ERO1A: variants seen among roughly 807,000 people sequenced by gnomAD.
The protein encoded by ERO1A is endoplasmic reticulum oxidoreductase 1 alpha.
In ERO1A, 49 loss-of-function variants were observed where a neutral mutation model predicts 76.9. That is an observed-to-expected ratio of 0.64 (90% CI 0.51 to 0.81). The LOEUF is 0.81. ERO1A is among the 30% of genes least tolerant of loss of function. The probability of loss-of-function intolerance (pLI) is 0.00; values close to 1 mark genes in which losing one functional copy is unlikely to be tolerated. For missense variants in ERO1A, 448 were observed against 542.1 expected, an observed-to-expected ratio of 0.83 and a Z score of 1.72; for synonymous variants, 174 against 181.2, an observed-to-expected ratio of 0.96 and a Z score of 0.32.
At chr14:52,694,492 TA>T (rs2041476515) in intron 1 of ERO1A, among the ~76,000 whole-genome samples, 1 of 152,180 alleles carries the variant, frequency 6.6e-6, no homozygotes, top group Non-Finnish European at 1.5e-5. Flanking sequence ...GATAATAAAT[TA>T]ATAGCAAAAT....
At chr14:52,682,549 A>G in intron 2 of ERO1A, 141 bp from the exon 3 acceptor site, 2 of 616,944 alleles carry the variant, frequency 3.2e-6, no homozygotes, top group Non-Finnish European at 5.7e-6. Flanking sequence ...TTGCCAGTTT[A>G]TAACAACTGC....
rs749508867 is a variant in ERO1A at position 52,646,436 on chromosome 14, T to C, written c.1151A>G (p.Asn384Ser). ...LKEDFRLHFR[N>S]ISRIMDCVGC... ...AACACAATCCATAATTCTTGAAATA[T>C]TTCTAAAATGCAGTCGAAAGTCCTC... The change falls in exon 14 of 16, where the codon AAT becomes AGT. Residue 384 changes from asparagine (N) to serine (S), a missense_variant. Asn to Ser is a conservative substitution (Grantham distance 46). Coordinates refer to ENST00000395686, the MANE Select transcript of ERO1A (RefSeq NM_014584.3). 1.2e-5 allele frequency: 19 copies of C among 1,612,472 alleles called. No homozygotes were observed. In the East Asian group the frequency reaches 4.0e-4, roughly 34 times the overall value.
At chr14:52,658,211 A>G (rs1484543907) in intron 9 of ERO1A, 61 bp from the exon 10 acceptor site, 9 of 1,203,210 alleles carry the variant, frequency 7.5e-6, no homozygotes, top group Admixed American at 2.3e-5. Context: ...AAGTTTTTCA[A>G]AAGTTTTAAA....
chr14:52,694,403 G>A (rs947385355), intron 1 of ERO1A, among the ~76,000 whole-genome samples: 1 of 152,114 alleles, frequency 6.6e-6, no homozygotes, highest in Admixed American at 6.6e-5. Flanking sequence ...AGTAGTGAAA[G>A]AGAAACCTTT....
In ERO1A at chr14:52,661,324, G is replaced by A. The variant is rs938625020; in HGVS notation, c.677-20C>T. On this transcript the variant is annotated intron_variant, in intron 8 of 15. Coordinates refer to ENST00000395686, the MANE Select transcript of ERO1A (RefSeq NM_014584.3). ...TTGTCCCTGAAAAGCAAAACAAAAT[G>A]TTTATTAAAATAAATTCCTTCCAGT... 3 of 1,400,050 alleles carry A rather than the reference G, an allele frequency of 2.1e-6. No individual in the cohort carries two copies. Among genetic ancestry groups the A allele is most frequent in the Non-Finnish European group, 2.9e-6 (3 of 1,051,992 alleles). 86.7% of individuals were successfully genotyped at this position (1,400,050 alleles called of 1,614,324 possible).
chr14:52,651,207 G>A (rs2039854754), intron 13 of ERO1A, among the ~76,000 whole-genome samples: 1 of 151,830 alleles, frequency 6.6e-6, no homozygotes, highest in Non-Finnish European at 1.5e-5. Flanking sequence ...AGGATCGCTT[G>A]AGCACAGAAT....
At chr14:52,675,084 T>C (rs1394017126) in intron 4 of ERO1A, among the ~76,000 whole-genome samples, 2 of 152,132 alleles carry the variant, frequency 1.3e-5, no homozygotes, top group Non-Finnish European at 2.9e-5. Context: ...AGTGAGTTTA[T>C]TAAAATGGTG....
intron 4 of ERO1A, among the ~76,000 whole-genome samples, chr14:52,676,438 G>A (rs2040786850): frequency 6.6e-6 from 1 of 152,176 alleles, no homozygotes; most frequent in Admixed American, 6.5e-5. Flanking sequence ...TTGTGGGTAT[G>A]ATACAGGCCA....
Position 52,682,314 on chromosome 14 carries a change from A to T in ERO1A, c.318+11T>A, listed in dbSNP as rs753242445. The T allele has an allele frequency of 1.4e-5, 22 of 1,574,944 alleles. No homozygotes were observed. The highest frequency in any genetic ancestry group is 1.8e-5 in the Admixed American group (1 of 56,926). ...CATGTAACAGTTTTTAAATGTATAC[A>T]TGGTTCTTACAGATTGACATGGTTT... On this transcript the variant is annotated intron_variant, in intron 3 of 15. Coordinates refer to ENST00000395686, the MANE Select transcript of ERO1A (RefSeq NM_014584.3).
chr14:52,675,542 AATG>A (rs1396177555), intron 4 of ERO1A, among the ~76,000 whole-genome samples: 1 of 152,180 alleles, frequency 6.6e-6, no homozygotes, highest in Non-Finnish European at 1.5e-5. Context: ...CATATCACAG[AATG>A]ATATGTAAAT....
intron 11 of ERO1A, among the ~76,000 whole-genome samples, chr14:52,655,015 G>A (rs1005712765): frequency 3.9e-5 from 6 of 152,210 alleles, no homozygotes; most frequent in Admixed American, 3.9e-4. Flanking sequence ...GTCCACAGGT[G>A]AGAGGATTAA....
At chr14:52,695,239 C>T (rs2041511720) in intron 1 of ERO1A, 129 bp downstream of exon 1, 2 of 598,096 alleles carry the variant, frequency 3.3e-6, no homozygotes, top group Non-Finnish European at 2.5e-6. Flanking sequence ...GGCAGCAGCA[C>T]CGGAGTCTCA....
intron 1 of ERO1A, among the ~76,000 whole-genome samples, chr14:52,685,257 T>C (rs1433656291): frequency 1.3e-5 from 2 of 152,288 alleles, no homozygotes; most frequent in East Asian, 3.9e-4. Flanking sequence ...AGAAGAACTT[T>C]TTACTGCTTT....
At chr14:52,643,796 A>C (rs1043128293) in intron 15 of ERO1A, among the ~76,000 whole-genome samples, 166 bp from the exon 16 acceptor site, 2 of 152,228 alleles carry the variant, frequency 1.3e-5, no homozygotes, top group Non-Finnish European at 2.9e-5. Context: ...TAATTCGACA[A>C]GGTAAAACTA....
intron 1 of ERO1A, among the ~76,000 whole-genome samples, chr14:52,692,852 G>A (rs952322871): frequency 9.3e-5 from 14 of 151,128 alleles, no homozygotes; most frequent in African/African-American, 3.2e-4. Flanking sequence ...GTGTATGTCT[G>A]TCTATATGCT....
chr14:52,653,558 A>G (rs2039947429), intron 11 of ERO1A, among the ~76,000 whole-genome samples: 1 of 151,934 alleles, frequency 6.6e-6, no homozygotes, highest in Admixed American at 6.5e-5. Context: ...TATTAATAAT[A>G]AAAATCATTC....
intron 4 of ERO1A, among the ~76,000 whole-genome samples, chr14:52,673,704 CTT>C (rs773944528): frequency 9.9e-5 from 15 of 151,942 alleles, no homozygotes; most frequent in Non-Finnish European, 1.9e-4. Flanking sequence ...ACAATCATAA[CTT>C]AGTATATATA....
chr14:52,652,387 C>G, intron 12 of ERO1A, 79 bp from the exon 13 acceptor site: 1 of 934,072 alleles, frequency 1.1e-6, no homozygotes, highest in Admixed American at 1.9e-5. Flanking sequence ...TTTTACTGGT[C>G]ATGATAAATA....
rs924189308 is a variant in ERO1A, at chr14:52,640,490, C to T, written c.*3080G>A. On this transcript the variant is annotated 3_prime_UTR_variant, in exon 16 of 16. Coordinates refer to ENST00000395686, the MANE Select transcript of ERO1A (RefSeq NM_014584.3). ...AGGAAACACATCAGAAGACCTTGTA[C>T]ACCAAACAGAGGAGTTTGGCTTTCT... is the stretch of plus-strand genomic sequence containing the variant. 6.6e-6 allele frequency: 1 copy of T among 152,218 alleles called. No individual in the cohort carries two copies. The allele number at this position is 152,218 out of a possible 1,614,324, so 9.4% of individuals were successfully genotyped here. A position where few individuals can be genotyped will look rare whatever the true frequency, so the allele number is the denominator to read the frequency against.
Sources: allele counts gnomAD v4.1 joint callset (sites outside exome capture counted in the v4.1 genomes callset), GRCh38; gene constraint gnomAD v4.1.1; transcripts MANE v1.5; gene names NCBI Gene and HGNC (gene_info 2026-07-23, HGNC 2026-07-21).